CSF1R: variants seen among roughly 807,000 people sequenced by gnomAD.
The protein encoded by CSF1R is macrophage colony-stimulating factor 1 receptor.
In CSF1R, 40 loss-of-function variants were observed where a neutral mutation model predicts 110.0. The ratio of observed to expected loss-of-function variants is 0.36; its 90% CI spans 0.28 to 0.47. The LOEUF (loss-of-function observed/expected upper bound fraction) is 0.47, where lower values mean the gene tolerates loss of function less well. Among genes scored for constraint, CSF1R ranks in the 20% least tolerant of loss-of-function variants. The pLI is 0.99. For synonymous variants in CSF1R, 523 were observed against 503.4 expected, an observed-to-expected ratio of 1.04 and a Z score of -0.52; for missense variants, 1,052 against 1,253.0, an observed-to-expected ratio of 0.84 and a Z score of 2.42.
intron 14 of CSF1R, 107 bp downstream of exon 14, chr5:150,059,593 G>A (rs1433249089): frequency 3.7e-6 from 5 of 1,367,350 alleles, no homozygotes; most frequent in Non-Finnish European, 5.1e-6. Flanking sequence ...GGTGAGGGCT[G>A]CATAGCCACC....
chr5:150,088,553 A>C (rs1206980600), upstream of CSF1R, among the ~76,000 whole-genome samples: 1 of 149,638 alleles, frequency 6.7e-6, no homozygotes, highest in Admixed American at 6.6e-5. Context: ...TTCTTTTTTG[A>C]GACAGGGTCT....
rs767772125 is a variant in CSF1R, at chr5:150,054,173, T to TGCTGCTGCC, written c.2806_2814dup (p.Gly936_Ser938dup). On this transcript the variant is annotated inframe_insertion, in exon 21 of 21. Transcript: ENST00000675795. The stretch of plus-strand genomic sequence containing the variant: ...GAGCTCTCCTCCTCCAGCTCACTGC[T>TGCTGCTGCC]GCTGCTGCCGCTGCCACCGCTTCTG... 3.4e-5 allele frequency: 55 copies of TGCTGCTGCC among 1,612,472 alleles called. No homozygotes were observed. The highest frequency in any genetic ancestry group is 3.7e-5 in the Non-Finnish European group (44 of 1,179,412).
rs1458735346 is a variant in CSF1R, at chr5:150,057,496, C to G, written c.2221+8G>C. 3 of 1,613,868 alleles carry G rather than the reference C, an allele frequency of 1.9e-6. No individual in the cohort carries two copies. The highest frequency in any genetic ancestry group is 2.5e-6 in the Non-Finnish European group (3 of 1,179,834). On this transcript the variant is annotated splice_region_variant and intron_variant, in intron 15 of 20. Coordinates refer to ENST00000675795, the MANE Select transcript of CSF1R (RefSeq NM_001288705.3). ...AGCAAATGGGGCCTGGCCCTGGGAC[C>G]TCCTCACCTTGCTCAGAGAAGGAGT...
chr5:150,074,305 GTTTTTTTTTT>G (rs35475636), intron 5 of CSF1R, among the ~76,000 whole-genome samples: 2 of 126,864 alleles, frequency 1.6e-5, no homozygotes, highest in Non-Finnish European at 3.2e-5. Context: ...GTCCTGACTA[GTTTTTTTTTT>G]TTTTTTTTTT....
intron 19 of CSF1R, 195 bp from the exon 20 acceptor site, chr5:150,054,625 A>G: frequency 1.8e-6 from 1 of 545,066 alleles, no homozygotes; most frequent in Non-Finnish European, 3.2e-6. Flanking sequence ...GGGTACTCTC[A>G]TCACCCTCAT....
chr5:150,056,901 T>C (rs913969043), intron 16 of CSF1R, among the ~76,000 whole-genome samples: 5 of 152,178 alleles, frequency 3.3e-5, no homozygotes, highest in African/African-American at 1.2e-4. Flanking sequence ...CTGGCACTTC[T>C]TCCTAGGCCG....
rs1446256208 is a variant in CSF1R, at chr5:150,061,745, G to A, written c.1731C>T (p.Phe577=). The A allele has an allele frequency of 6.8e-6, 11 of 1,614,196 alleles. No homozygotes were observed. The highest frequency in any genetic ancestry group is 1.1e-5 in the South Asian group (1 of 91,070). The part of the protein sequence containing the change: ...TQLPYNEKWE[F]PRNNLQFGKT... Reference sequence around the variant, plus strand: ...CACCAAACTGCAGGTTGTTCCGGGGGAACTCCCACTTCTCGTTGTAAGGCA... The same window carrying A: ...CACCAAACTGCAGGTTGTTCCGGGGAAACTCCCACTTCTCGTTGTAAGGCA... The change falls in exon 11 of 21, where the codon TTC becomes TTT. Residue 577 remains phenylalanine, a synonymous_variant. Transcript: ENST00000675795.
intron 20 of CSF1R, 38 bp downstream of exon 20, chr5:150,054,284 C>T (rs1372127481): frequency 6.2e-7 from 1 of 1,613,952 alleles, no homozygotes; most frequent in East Asian, 2.2e-5. Context: ...GCCCAACGTG[C>T]TTTACCGGCC....
intron 1 of CSF1R, among the ~76,000 whole-genome samples, chr5:150,096,100 A>G (rs1759214242): frequency 6.6e-6 from 1 of 152,226 alleles, no homozygotes; most frequent in African/African-American, 2.4e-5. Flanking sequence ...TAAGAAATAA[A>G]TAATACTGAC....
intron 6 of CSF1R, 24 bp from the exon 7 acceptor site, chr5:150,070,595 T>G (rs1414667106): frequency 4.7e-6 from 7 of 1,474,590 alleles, no homozygotes; most frequent in Non-Finnish European, 6.3e-6. Flanking sequence ...TCAGGTGGTG[T>G]TGGTGAGCCC....
At position 150,073,399 on chromosome 5, in the gene CSF1R, G is replaced by T; in HGVS notation, c.984C>A (p.Tyr328Ter). The change falls in exon 6 of 21, where the codon TAC becomes TAA. Residue 328 changes from tyrosine (Y) to a stop codon, truncating the protein, a stop_gained. Coordinates refer to ENST00000675795, the MANE Select transcript of CSF1R (RefSeq NM_001288705.3). LOFTEE classifies it high-confidence loss of function. ...GLNLKVMVEAYPGLQGFNWTY... is the reference protein window; with the variant it reads ...GLNLKVMVEA ...TCCAGTTAAAACCTTGCAGGCCTGG[G>T]TAGGCCTCCACCATGACTTTGAGGT... 6.2e-7 allele frequency: 1 copy of T among 1,614,062 alleles called. No individual in the cohort carries two copies.
At chr5:150,103,650 G>A (rs1405559907) in intron 1 of CSF1R, among the ~76,000 whole-genome samples, 1 of 152,234 alleles carries the variant, frequency 6.6e-6, no homozygotes, top group African/African-American at 2.4e-5. Flanking sequence ...GAGTCTGTGA[G>A]GCCTTCCAGA....
intron 11 of CSF1R, 39 bp from the exon 12 acceptor site, chr5:150,061,634 A>T (rs768185624): frequency 6.2e-7 from 1 of 1,613,818 alleles, no homozygotes; most frequent in South Asian, 1.1e-5. Context: ...CTGGGCACCA[A>T]AGGGCCTCTG....
At chr5:150,086,274 AAAAC>A in intron 1 of CSF1R, 101 bp downstream of exon 1, 1 of 1,185,492 alleles carries the variant, frequency 8.4e-7, no homozygotes, top group African/African-American at 1.5e-5. Context: ...TGGGGAGACT[AAAAC>A]AGCCTGAGGA....
In CSF1R at chr5:150,056,039, C is replaced by T. The variant is rs690016551; in HGVS notation, c.2541G>A (p.Glu847=). 1.3e-5 allele frequency: 21 copies of T among 1,614,182 alleles called. No homozygotes were observed. Among genetic ancestry groups the T allele is most frequent in the Non-Finnish European group, 1.8e-5 (21 of 1,179,992 alleles). The change falls in exon 18 of 21, where the codon GAG becomes GAA. Residue 847 remains glutamate, a synonymous_variant. Coordinates refer to ENST00000675795, the MANE Select transcript of CSF1R (RefSeq NM_001288705.3). ...DVWSYGILLW[E]IFSLGLNPYP... ...CCAGTGGCTCACCAAGTGAGAAGAT[C>T]TCCCAGAGGAGGATGCCATAGGACC...
At chr5:150,081,811 A>G (rs1242117754) in intron 1 of CSF1R, among the ~76,000 whole-genome samples, 1 of 152,236 alleles carries the variant, frequency 6.6e-6, no homozygotes, top group Non-Finnish European at 1.5e-5. Context: ...TCTTTTAAGG[A>G]AAATTTTCTT....
chr5:150,086,327 G>A, intron 1 of CSF1R, 52 bp downstream of exon 1: 1 of 1,544,622 alleles, frequency 6.5e-7, no homozygotes, highest in Non-Finnish European at 8.8e-7. Context: ...TTTCACAGGG[G>A]TCTTCTCCAT....
chr5:150,091,362 A>G (rs1188872526), upstream of CSF1R, among the ~76,000 whole-genome samples: 1 of 152,242 alleles, frequency 6.6e-6, no homozygotes, highest in Non-Finnish European at 1.5e-5. Flanking sequence ...AATTTACAGT[A>G]GCCAAAAGGT....
chr5:150,104,540 G>A (rs1759491419), intron 1 of CSF1R, among the ~76,000 whole-genome samples: 1 of 152,354 alleles, frequency 6.6e-6, no homozygotes, highest in South Asian at 2.1e-4. Flanking sequence ...TTTATCAGGT[G>A]CTCACTATGT....
Sources: allele counts gnomAD v4.1 joint callset (sites outside exome capture counted in the v4.1 genomes callset), GRCh38; gene constraint gnomAD v4.1.1; transcripts MANE v1.5; gene names NCBI Gene and HGNC (gene_info 2026-07-23, HGNC 2026-07-21).